Variants in DCTD observed in about 807,000 individuals in gnomAD.
The protein encoded by DCTD is dCMP deaminase.
In DCTD, 23 loss-of-function variants were observed where a neutral mutation model predicts 21.0. That is an observed-to-expected ratio of 1.09 (90% CI 0.79 to 1.55). DCTD has a LOEUF of 1.55. Among genes scored for constraint, DCTD ranks in the 40% most tolerant of loss-of-function variants. The probability of loss-of-function intolerance (pLI) is 0.00; values close to 1 mark genes in which losing one functional copy is unlikely to be tolerated. For synonymous variants in DCTD, 71 were observed against 81.1 expected (o/e 0.88, Z 0.67); for missense variants, 224 against 230.0 (o/e 0.97, Z 0.17).
At chr4:182,910,565 T>A (rs1417064351) in intron 3 of DCTD, among the ~76,000 whole-genome samples, 2 of 152,236 alleles carry the variant, frequency 1.3e-5, no homozygotes, top group African/African-American at 4.8e-5. Context: ...CCAAGTTTTT[T>A]AATCTTGTAA....
chr4:182,895,217 G>A (rs531993738), intron 3 of DCTD, among the ~76,000 whole-genome samples: 3 of 152,182 alleles, frequency 2.0e-5, no homozygotes, highest in African/African-American at 7.2e-5. Flanking sequence ...GAGTACAGAC[G>A]TGCCACCAAG....
chr4:182,911,317 A>G (rs1379435405), intron 3 of DCTD: 2 of 152,174 alleles, frequency 1.3e-5, no homozygotes, highest in Non-Finnish European at 2.9e-5. Context: ...ATATCAGCAC[A>G]TTGGAATTAG....
At chr4:182,910,717 A>G (rs1236596265) in intron 3 of DCTD, among the ~76,000 whole-genome samples, 1 of 152,226 alleles carries the variant, frequency 6.6e-6, no homozygotes, top group Non-Finnish European at 1.5e-5. Context: ...AGGATGGAAT[A>G]AAAAGCTTCT....
intron 3 of DCTD, among the ~76,000 whole-genome samples, chr4:182,910,758 A>C (rs1297912207): frequency 6.6e-6 from 1 of 152,182 alleles, no homozygotes; most frequent in African/African-American, 2.4e-5. Flanking sequence ...TTTCCACATT[A>C]ATACTACATT....
intron 3 of DCTD, among the ~76,000 whole-genome samples, chr4:182,913,290 C>T (rs1300370242): frequency 6.6e-6 from 1 of 152,176 alleles, no homozygotes; most frequent in South Asian, 2.1e-4. Flanking sequence ...CTTCCCACTC[C>T]GACGAGGGAG....
intron 3 of DCTD, among the ~76,000 whole-genome samples, chr4:182,898,281 C>T (rs1561323108): frequency 6.6e-6 from 1 of 152,212 alleles, no homozygotes; most frequent in Non-Finnish European, 1.5e-5. Context: ...TACTCTCCAC[C>T]TCTGCCAGCG....
At chr4:182,892,565 G>GT (rs963917836) in intron 5 of DCTD, among the ~76,000 whole-genome samples, 1 of 151,884 alleles carries the variant, frequency 6.6e-6, no homozygotes, top group Non-Finnish European at 1.5e-5. Flanking sequence ...AGAAGCGGAG[G>GT]TTGCAGTGAG....
At chr4:182,915,160 C>A in intron 2 of DCTD, 102 bp from the exon 3 acceptor site, 1 of 1,427,990 alleles carries the variant, frequency 7.0e-7, no homozygotes, top group South Asian at 1.2e-5. Flanking sequence ...TCAAAACAGA[C>A]GCATAGCTGC....
chr4:182,917,025 A>C lies in DCTD; in HGVS notation c.-8+286T>G. On this transcript the variant is annotated intron_variant, in intron 1 of 5. Coordinates refer to ENST00000438320, the MANE Select transcript of DCTD (RefSeq NM_001921.3). This position sits in a 1 kb window ranked among gnomAD's most constrained non-coding sequence, Gnocchi z 4.9. ...GGGCGCAGGAAGGGATGTGGTGTTC[A>C]GACGCCCAGCACCACCTCCCGGGGC... is the stretch of plus-strand genomic sequence containing the variant. The C allele has an allele frequency of 1.0e-6, 1 of 988,966 alleles. No homozygotes were observed. Among genetic ancestry groups the C allele is most frequent in the Non-Finnish European group, 1.2e-6 (1 of 832,286 alleles). The allele number at this position is 988,966 out of a possible 1,614,324, so 61.3% of individuals were successfully genotyped here.
chr4:182,899,707 T>C (rs1351743029), intron 3 of DCTD, among the ~76,000 whole-genome samples: 1 of 152,078 alleles, frequency 6.6e-6, no homozygotes, highest in Non-Finnish European at 1.5e-5. Flanking sequence ...GGCCAGTCAC[T>C]GACCTTAAGA....
Position 182,914,583 on chromosome 4 carries a change from A to G in DCTD, c.244+340T>C, listed in dbSNP as rs577855105. Among the ~76,000 whole-genome samples the G allele has an allele frequency of 2.6e-5, 4 of 152,312 alleles. No homozygotes were observed. In the South Asian group the frequency reaches 6.2e-4, roughly 24 times the overall value. On this transcript the variant is annotated intron_variant, in intron 3 of 5. Transcript: ENST00000438320. Reference sequence around the variant, plus strand: ...CACAGAGACACCATGCACATCCCTCAGCTATCTCTGCAAGGGGCTGTGACC... The same window carrying G: ...CACAGAGACACCATGCACATCCCTCGGCTATCTCTGCAAGGGGCTGTGACC...
intron 3 of DCTD, among the ~76,000 whole-genome samples, chr4:182,901,071 T>C (rs1735654117): frequency 6.6e-6 from 1 of 152,206 alleles, no homozygotes; most frequent in Admixed American, 6.5e-5. Context: ...ATTTAAGAGT[T>C]CAGCGTTTTA....
intron 3 of DCTD, among the ~76,000 whole-genome samples, chr4:182,909,756 C>T (rs753037845): frequency 3.3e-5 from 5 of 152,122 alleles, no homozygotes; most frequent in African/African-American, 7.2e-5. Flanking sequence ...AAATATATCA[C>T]GTGCATGGCA....
intron 5 of DCTD, among the ~76,000 whole-genome samples, chr4:182,892,129 G>C (rs1733877058): frequency 6.6e-6 from 1 of 152,092 alleles, no homozygotes; most frequent in Non-Finnish European, 1.5e-5. Flanking sequence ...TTGAGTTCAT[G>C]AGATACACTG....
chr4:182,913,297 G>T (rs1738053905), intron 3 of DCTD, among the ~76,000 whole-genome samples: 1 of 152,156 alleles, frequency 6.6e-6, no homozygotes, highest in Admixed American at 6.5e-5. Flanking sequence ...CTCCGACGAG[G>T]GAGGGTGAGG....
chr4:182,915,647 AC>A, intron 1 of DCTD, 72 bp from the exon 2 acceptor site: 1 of 1,012,894 alleles, frequency 9.9e-7, no homozygotes, highest in South Asian at 1.3e-5. Flanking sequence ...GTTCAACCCA[AC>A]CACACTGAAC....
At position 182,893,022 on chromosome 4, in the gene DCTD, C is replaced by T; in HGVS notation, c.458+9G>A. The T allele has an allele frequency of 1.3e-6, 2 of 1,590,852 alleles. No individual in the cohort carries two copies. The highest frequency in any genetic ancestry group is 1.7e-6 in the Non-Finnish European group (2 of 1,159,836). ...ACCCCGTCCCCCCGCCCGCATTCTC[C>T]CCACTTACCGGAATGTCACCCCGGC... is the stretch of plus-strand genomic sequence containing the variant. On this transcript the variant is annotated intron_variant, in intron 5 of 5. Coordinates refer to ENST00000438320, the MANE Select transcript of DCTD (RefSeq NM_001921.3).
chr4:182,894,564 T>A lies in DCTD; in HGVS notation c.286A>T (p.Thr96Ser). ...TACATACTACAGCCTTTCACATCGG[T>A]CGAATTTTTGTTCATGATGGCATTC... Reference protein sequence around the residue: ...ELNAIMNKNSTDVKGCSMYVA... With the variant: ...ELNAIMNKNSSDVKGCSMYVA... Residue 96 changes from threonine (T) to serine (S), a missense_variant, in exon 4 of 6, where the codon ACC (threonine) becomes TCC (serine). Physicochemically the swap from Thr to Ser is moderately conservative, Grantham distance 58. Coordinates refer to ENST00000438320, the MANE Select transcript of DCTD (RefSeq NM_001921.3). 6.2e-7 allele frequency: 1 copy of A among 1,614,134 alleles called. No homozygotes were observed. The highest frequency in any genetic ancestry group is 8.5e-7 in the Non-Finnish European group (1 of 1,180,008).
chr4:182,913,709 A>G (rs1371295703), intron 3 of DCTD, among the ~76,000 whole-genome samples: 1 of 152,228 alleles, frequency 6.6e-6, no homozygotes, highest in Non-Finnish European at 1.5e-5. Context: ...ATTCTCAGAC[A>G]TAAAATACAG....
Sources: gnomAD v4.1 joint callset for allele counts (sites outside exome capture counted in the v4.1 genomes callset) on GRCh38, gnomAD v4.1.1 for gene constraint, Gnocchi (gnomAD v3.1) non-coding constraint, MANE v1.5 for transcripts, NCBI Gene and HGNC (gene_info 2026-07-23, HGNC 2026-07-21) for gene names.